The following RERE variants were observed in gnomAD, a reference collection of about 807,000 sequenced individuals.
RERE encodes arginine-glutamic acid dipeptide repeats, also known as arginine-glutamic acid dipeptide repeats protein.
A neutral mutation model predicts 146.1 loss-of-function variants in RERE; 40 were observed. That is an observed-to-expected ratio of 0.27 (90% CI 0.21 to 0.36). The LOEUF (loss-of-function observed/expected upper bound fraction) is 0.36, where lower values mean the gene tolerates loss of function less well. Among genes scored for constraint, RERE ranks in the 10% least tolerant of loss-of-function variants. The probability of loss-of-function intolerance (pLI) is 1.00; values close to 1 mark genes in which losing one functional copy is unlikely to be tolerated. For synonymous variants in RERE, 1,003 were observed against 866.0 expected (o/e 1.16, Z -2.78); for missense variants, 1,933 against 2,138.7 (o/e 0.90, Z 1.90).
Position 8,364,935 on chromosome 1 carries a change from A to G in RERE, c.1448-97T>C. 1 of 747,434 alleles carries G rather than the reference A, an allele frequency of 1.3e-6. No individual in the cohort carries two copies. The highest frequency in any genetic ancestry group is 1.6e-5 in the South Asian group (1 of 63,428). 46.3% of individuals were successfully genotyped at this position (747,434 alleles called of 1,614,324 possible). A position where few individuals can be genotyped will look rare whatever the true frequency, so the allele number is the denominator to read the frequency against. On this transcript the variant is annotated intron_variant, in intron 13 of 22. Transcript: ENST00000400908. This position sits in a 1 kb window ranked among gnomAD's most constrained non-coding sequence, Gnocchi z 5.1. ...TGGGGGGGAGGGGGGAACACCTGTG[A>G]CCTCTGGCCTACTGCAGGTTCTGGC...
At chr1:8,684,716 C>T (rs1431794411) in intron 1 of RERE, among the ~76,000 whole-genome samples, 3 of 152,238 alleles carry the variant, frequency 2.0e-5, no homozygotes, top group African/African-American at 7.2e-5. Context: ...CCCACCTCTC[C>T]CTATGAGAAG....
rs1641224906 is a variant in RERE at position 8,354,851 on chromosome 1, GACTC to G, written c.*232_*235del. 1.8e-6 allele frequency: 1 copy of G among 570,268 alleles called. No individual in the cohort carries two copies. The allele number at this position is 570,268 out of a possible 1,614,324, so 35.3% of individuals were successfully genotyped here. A position where few individuals can be genotyped will look rare whatever the true frequency, so the allele number is the denominator to read the frequency against. On this transcript the variant is annotated 3_prime_UTR_variant, in exon 23 of 23. Transcript: ENST00000400908. ...TTTCTGGATGTTCAGTCCAGTCCAG[GACTC>G]ACTAAGTTTCTGGGGGACTGTCATG...
intron 11 of RERE, among the ~76,000 whole-genome samples, chr1:8,451,905 C>T (rs541920384): frequency 4.6e-5 from 7 of 152,298 alleles, no homozygotes; most frequent in South Asian, 2.1e-4. Context: ...CAGTCCTATC[C>T]TTCCCCACAC....
intron 4 of RERE, among the ~76,000 whole-genome samples, chr1:8,585,334 TATA>T (rs1205182048): frequency 1.3e-5 from 2 of 152,122 alleles, no homozygotes; most frequent in South Asian, 2.1e-4. Flanking sequence ...AGACATCATA[TATA>T]ATATTTCCCA....
intron 12 of RERE, among the ~76,000 whole-genome samples, chr1:8,380,125 C>A (rs980435494): frequency 2.0e-5 from 3 of 152,160 alleles, no homozygotes; most frequent in Non-Finnish European, 4.4e-5. Context: ...TCCCTCCCAC[C>A]CATGCATGTT....
intron 1 of RERE, among the ~76,000 whole-genome samples, chr1:8,663,718 C>A (rs1244114911): frequency 6.6e-6 from 1 of 152,152 alleles, no homozygotes; most frequent in Non-Finnish European, 1.5e-5. Flanking sequence ...TCATTTAAAG[C>A]ATACAATGCC....
At chr1:8,722,750 T>C (rs1330571564) in intron 1 of RERE, among the ~76,000 whole-genome samples, 2 of 152,214 alleles carry the variant, frequency 1.3e-5, no homozygotes, top group Admixed American at 6.5e-5. Context: ...ATGTAAAGTA[T>C]AAGGGAGGAT....
chr1:8,500,592 C>T (rs1645120080), intron 8 of RERE, among the ~76,000 whole-genome samples: 1 of 152,194 alleles, frequency 6.6e-6, no homozygotes, highest in African/African-American at 2.4e-5. Context: ...TGCCTTGGCC[C>T]CCCAAAGTGC....
Position 8,405,923 on chromosome 1 carries a change from C to T in RERE, c.1284+16804G>A, listed in dbSNP as rs543939652. Among the ~76,000 whole-genome samples, 6 of 152,284 alleles carry T rather than the reference C, an allele frequency of 3.9e-5. No homozygotes were observed. In the South Asian group the frequency reaches 1.2e-3, roughly 32 times the overall value. ...GTGCTGGGATTACAGGTGTGAGCCA[C>T]CGCAGCCGGCCTGATTTTAATTTTC... is the stretch of plus-strand genomic sequence containing the variant. On this transcript the variant is annotated intron_variant, in intron 12 of 22. Transcript: ENST00000400908.
At chr1:8,647,754 C>T (rs1442541272) in intron 2 of RERE, among the ~76,000 whole-genome samples, 4 of 150,100 alleles carry the variant, frequency 2.7e-5, no homozygotes, top group Non-Finnish European at 5.9e-5. Flanking sequence ...TAATTAATTG[C>T]CTTACAGAAG....
chr1:8,664,066 C>T (rs1261332533), intron 1 of RERE, among the ~76,000 whole-genome samples: 3 of 152,176 alleles, frequency 2.0e-5, no homozygotes, highest in African/African-American at 7.2e-5. Flanking sequence ...CATCACTTCC[C>T]CACTAACTGC....
chr1:8,612,623 A>G (rs1646805662), intron 4 of RERE, among the ~76,000 whole-genome samples: 1 of 152,240 alleles, frequency 6.6e-6, no homozygotes, highest in Admixed American at 6.5e-5. Context: ...TATGGGGAAG[A>G]CTTAAAATCC....
chr1:8,716,618 A>C (rs180863917), intron 1 of RERE, among the ~76,000 whole-genome samples: 77 of 152,302 alleles, frequency 5.1e-4, no homozygotes, highest in African/African-American at 1.4e-3. Context: ...AACAAACAAA[A>C]AAAAATAAAC....
At chr1:8,678,326 C>A (rs534093296) in intron 1 of RERE, among the ~76,000 whole-genome samples, 1 of 151,938 alleles carries the variant, frequency 6.6e-6, no homozygotes, top group Non-Finnish European at 1.5e-5. Context: ...AAAAAACAGG[C>A]GACTTTTGGG....
intron 1 of RERE, among the ~76,000 whole-genome samples, chr1:8,704,672 C>T (rs1639523242): frequency 6.6e-6 from 1 of 152,230 alleles, no homozygotes; most frequent in Non-Finnish European, 1.5e-5. Context: ...GCCAAACAGA[C>T]ATGCACATGC....
chr1:8,448,663 C>T (rs1644353804), intron 11 of RERE, among the ~76,000 whole-genome samples: 1 of 151,936 alleles, frequency 6.6e-6, no homozygotes, highest in South Asian at 2.1e-4. Context: ...TTATTAAATG[C>T]CTGCCGTGTG....
chr1:8,651,001 G>A, intron 2 of RERE, among the ~76,000 whole-genome samples: 1 of 152,090 alleles, frequency 6.6e-6, no homozygotes, highest in East Asian at 1.9e-4. Context: ...GGAGGCTGAG[G>A]CAGGAGAATT....
At chr1:8,529,690 C>G (rs1645617392) in intron 7 of RERE, among the ~76,000 whole-genome samples, 1 of 151,978 alleles carries the variant, frequency 6.6e-6, no homozygotes, top group Admixed American at 6.6e-5. Context: ...GCTCTCACCC[C>G]CAAACAGAAG....
chr1:8,804,417 T>A (rs187820829), intron 1 of RERE, among the ~76,000 whole-genome samples: 129 of 152,314 alleles, frequency 8.5e-4, no homozygotes, highest in Non-Finnish European at 1.6e-3. Flanking sequence ...AATTATCAAA[T>A]GTGTTAATAC....
Sources: gnomAD v4.1 joint callset for allele counts (sites outside exome capture counted in the v4.1 genomes callset) on GRCh38, gnomAD v4.1.1 for gene constraint, Gnocchi (gnomAD v3.1) non-coding constraint, MANE v1.5 for transcripts, NCBI Gene and HGNC (gene_info 2026-07-23, HGNC 2026-07-21) for gene names.